MCC: variants seen among roughly 807,000 people sequenced by gnomAD.
MCC encodes the protein colorectal mutant cancer protein.
MCC carries 90 observed loss-of-function variants against 116.2 expected under a neutral mutation model. The ratio of observed to expected loss-of-function variants is 0.77; its 90% confidence interval spans 0.65 to 0.92. MCC has a LOEUF of 0.92. MCC is among the 40% of genes least tolerant of loss of function. The probability of loss-of-function intolerance (pLI) is 0.00; values close to 1 mark genes in which losing one functional copy is unlikely to be tolerated. For missense variants in MCC, 1,516 were observed against 1,312.2 expected, an observed-to-expected ratio of 1.16 and a Z score of -2.40; for synonymous variants, 578 against 510.5, an observed-to-expected ratio of 1.13 and a Z score of -1.78.
chr5:113,239,371 C>A (rs1489375744), intron 3 of MCC, among the ~76,000 whole-genome samples: 1 of 152,194 alleles, frequency 6.6e-6, no homozygotes, highest in Non-Finnish European at 1.5e-5. Flanking sequence ...CCCAAAAGGG[C>A]AGCTCTGAGA....
chr5:113,368,308 G>C (rs1315185552), intron 2 of MCC, among the ~76,000 whole-genome samples: 1 of 152,134 alleles, frequency 6.6e-6, no homozygotes, highest in Non-Finnish European at 1.5e-5. Context: ...TAATTGGTCA[G>C]AGTTTATCTT....
chr5:113,427,787 A>C (rs1371116831), intron 1 of MCC, among the ~76,000 whole-genome samples: 1 of 152,226 alleles, frequency 6.6e-6, no homozygotes, highest in Non-Finnish European at 1.5e-5. Context: ...ATTGTTATTA[A>C]ATGAGTTCAT....
intron 5 of MCC, among the ~76,000 whole-genome samples, chr5:113,133,643 G>A (rs1021130915): frequency 8.5e-5 from 13 of 152,164 alleles, no homozygotes; most frequent in African/African-American, 3.1e-4. Flanking sequence ...TATATACCCA[G>A]TAAGGGAATT....
chr5:113,076,006 G>A (rs7734511), intron 11 of MCC, among the ~76,000 whole-genome samples: 69,055 of 151,772 alleles, frequency 0.45, 17,239 homozygotes, highest in African/African-American at 0.68. Context: ...AAACCCACCA[G>A]AAGGAAGAAA....
intron 3 of MCC, among the ~76,000 whole-genome samples, chr5:113,313,571 T>A (rs1056661077): frequency 6.6e-6 from 1 of 152,162 alleles, no homozygotes; most frequent in African/African-American, 2.4e-5. Context: ...CTGGAGCACT[T>A]TCTACTCTGG....
intron 2 of MCC, among the ~76,000 whole-genome samples, chr5:113,379,092 C>A (rs1271898057): frequency 6.6e-6 from 1 of 152,180 alleles, no homozygotes; most frequent in Admixed American, 6.5e-5. Flanking sequence ...GCCCTCAGAC[C>A]CTGCCTCAAG....
chr5:113,071,292 C>T, intron 11 of MCC, 58 bp from the exon 12 acceptor site: 4 of 1,570,524 alleles, frequency 2.5e-6, no homozygotes, highest in Non-Finnish European at 3.5e-6. Flanking sequence ...GCCAATATTT[C>T]AGTTGTCTCA....
rs1413110420 is a variant in MCC, at chr5:113,130,565, A to AC, written c.885-7740dup. Among the ~76,000 whole-genome samples the AC allele has an allele frequency of 5.3e-5, 8 of 152,100 alleles. No individual in the cohort carries two copies. The Middle Eastern group carries it at 0.01, about 194-fold the overall frequency. On this transcript the variant is annotated intron_variant, in intron 5 of 18. Transcript: ENST00000408903. ...CCTCCAACTCTCATGTAGAAATTTC[A>AC]CCCCCAATATTGGAGATGGAGTCTA... is the stretch of plus-strand genomic sequence containing the variant.
At chr5:113,249,155 T>C (rs1764694062) in intron 3 of MCC, among the ~76,000 whole-genome samples, 1 of 151,958 alleles carries the variant, frequency 6.6e-6, no homozygotes, top group African/African-American at 2.4e-5. Context: ...TCTCTCTCTC[T>C]CTCTCTAAAC....
chr5:113,438,598 G>A (rs1770935382), intron 1 of MCC, among the ~76,000 whole-genome samples: 1 of 152,052 alleles, frequency 6.6e-6, no homozygotes, highest in African/African-American at 2.4e-5. Context: ...CTAAAGCAGA[G>A]GCATTCTACT....
intron 1 of MCC, among the ~76,000 whole-genome samples, chr5:113,423,830 C>T (rs1770410223): frequency 6.6e-6 from 1 of 152,174 alleles, no homozygotes; most frequent in Non-Finnish European, 1.5e-5. Context: ...TCCCCACTTG[C>T]TTCTGGACTC....
chr5:113,364,236 C>CAAA (rs1768625417), intron 2 of MCC, among the ~76,000 whole-genome samples: 1 of 4,546 alleles, frequency 2.2e-4, no homozygotes, highest in Non-Finnish European at 4.3e-4. Flanking sequence ...TTCTCAAAAA[C>CAAA]AGAAAAAAAA....
intron 3 of MCC, among the ~76,000 whole-genome samples, chr5:113,270,727 C>G (rs1765581455): frequency 6.7e-6 from 1 of 149,778 alleles, no homozygotes; most frequent in South Asian, 2.2e-4. Context: ...AACAAAAATT[C>G]CAATGCCAAA....
chr5:113,205,098 T>C (rs73244742), intron 3 of MCC, among the ~76,000 whole-genome samples: 17,740 of 152,174 alleles, frequency 0.12, 2,205 homozygotes, highest in African/African-American at 0.31. Flanking sequence ...CAGTCTCAGT[T>C]TTTTCCTCCT....
rs1768744205 is a variant in MCC, at chr5:113,367,973, T to A, written c.415+16995A>T. Among the ~76,000 whole-genome samples the A allele has an allele frequency of 2.0e-5, 3 of 152,160 alleles. No homozygotes were observed. The South Asian group carries it at 6.2e-4, about 32-fold the overall frequency. On this transcript the variant is annotated intron_variant, in intron 2 of 18. Transcript: ENST00000408903. ...AAGGACTATAGCAGTGAGGTAGTAG[T>A]GTGGGTTTTATGATCAGTGGGAATA... is the stretch of plus-strand genomic sequence containing the variant.
intron 3 of MCC, among the ~76,000 whole-genome samples, chr5:113,197,404 G>C (rs556445675): frequency 1.3e-5 from 2 of 152,150 alleles, no homozygotes; most frequent in African/African-American, 4.8e-5. Flanking sequence ...TTTTTAGGCA[G>C]TGAAAAGGCT....
intron 3 of MCC, among the ~76,000 whole-genome samples, chr5:113,321,395 C>T (rs1767419256): frequency 6.6e-6 from 1 of 152,074 alleles, no homozygotes; most frequent in African/African-American, 2.4e-5. Context: ...TGGTTCTCTG[C>T]TGATTGCTAA....
intron 3 of MCC, among the ~76,000 whole-genome samples, chr5:113,204,776 T>C (rs969605431): frequency 2.6e-5 from 4 of 152,238 alleles, no homozygotes; most frequent in Admixed American, 1.3e-4. Flanking sequence ...CTTCTGATCA[T>C]ATTACCTTTT....
chr5:113,249,045 T>G (rs539696966), intron 3 of MCC, among the ~76,000 whole-genome samples: 3 of 152,080 alleles, frequency 2.0e-5, no homozygotes, highest in Non-Finnish European at 4.4e-5. Flanking sequence ...GGTTTCACCA[T>G]GTTGGTCAGG....
Sources: allele counts gnomAD v4.1 joint callset (sites outside exome capture counted in the v4.1 genomes callset), GRCh38; gene constraint gnomAD v4.1.1; transcripts MANE v1.5; gene names NCBI Gene and HGNC (gene_info 2026-07-23, HGNC 2026-07-21).